RXYLT1: variants seen among roughly 807,000 people sequenced by gnomAD.
RXYLT1 encodes ribitol-5-phosphate xylosyltransferase 1.
RXYLT1 carries 41 observed loss-of-function variants against 43.5 expected under a neutral mutation model. The observed-to-expected ratio is 0.94, with a 90% CI of 0.73 to 1.22. RXYLT1 has a LOEUF of 1.22. RXYLT1 is among the 50% of genes most tolerant of loss of function. RXYLT1 has a pLI of 0.00. For synonymous variants in RXYLT1, 166 were observed against 194.4 expected (o/e 0.85, Z 1.21); for missense variants, 514 against 532.0 (o/e 0.97, Z 0.33).
At position 63,781,065 on chromosome 12, in the gene RXYLT1, T is replaced by A; in HGVS notation, c.216T>A (p.Asp72Glu). ...AAGAATGGAATCCTTGGGAAGGAGA[T>A]GAAAAAAATGAGCAACAACACAGAT... ...ESEEWNPWEG[D>E]EKNEQQHRFK... The change falls in exon 2 of 6, where the codon GAT becomes GAA. Residue 72 changes from aspartate to glutamate, a missense_variant. Asp to Glu is a conservative substitution (Grantham distance 45). Coordinates refer to ENST00000261234, the MANE Select transcript of RXYLT1 (RefSeq NM_014254.3). 6.2e-7 allele frequency: 1 copy of A among 1,607,866 alleles called. No individual in the cohort carries two copies. The highest frequency in any genetic ancestry group is 2.3e-5 in the East Asian group (1 of 44,410).
Position 63,793,890 on chromosome 12 carries a change from C to T in RXYLT1, c.429-8201C>T, listed in dbSNP as rs74099306. Among the ~76,000 whole-genome samples, 583 of 152,270 alleles carry T rather than the reference C, an allele frequency of 3.8e-3. 6 individuals carry two copies. Among genetic ancestry groups the T allele is most frequent in the African/African-American group, 0.014 (565 of 41,554 alleles). ...CTTACCTAAAAAGAACTTTGGGATA[C>T]ATAAAAATTAGAACATCAAGTAAAC... is the stretch of plus-strand genomic sequence containing the variant. On this transcript the variant is annotated intron_variant, in intron 3 of 5. Transcript: ENST00000261234.
chr12:63,808,827 TG>T lies in RXYLT1; in HGVS notation c.1068del (p.Met357Ter). Reference protein sequence around the residue: ...SYGSIPVVEDVMTAGNCGNTS... With the variant: ...SYGSIPVVEDXMTAGNCGNTS... ...GGCTCCATTCCTGTGGTGGAAGACG[TG>T]ATGACAGCTGGCAACTGTGGGAATA... On this transcript the variant is annotated frameshift_variant, in exon 6 of 6. Coordinates refer to ENST00000261234, the MANE Select transcript of RXYLT1 (RefSeq NM_014254.3). LOFTEE classifies it high-confidence loss of function. 1 of 1,614,102 alleles carries T rather than the reference TG, an allele frequency of 6.2e-7. No individual in the cohort carries two copies. The highest frequency in any genetic ancestry group is 1.7e-5 in the Admixed American group (1 of 59,996).
intron 2 of RXYLT1, among the ~76,000 whole-genome samples, chr12:63,783,998 C>A (rs994965959): frequency 6.6e-6 from 1 of 152,128 alleles, no homozygotes; most frequent in African/African-American, 2.4e-5. Flanking sequence ...TCTGACACTC[C>A]TGCCTCCCTT....
intron 3 of RXYLT1, 149 bp downstream of exon 3, chr12:63,785,221 A>G (rs1897774645): frequency 2.2e-6 from 1 of 461,514 alleles, no homozygotes; most frequent in Non-Finnish European, 3.7e-6. Context: ...AAATCTCATG[A>G]ATATGTATTC....
Position 63,780,002 on chromosome 12 carries a change from C to A in RXYLT1, c.42C>A (p.Ala14=). Residue 14 remains alanine (A), a synonymous_variant, in exon 1 of 6, where the codon GCC becomes GCA. Coordinates refer to ENST00000261234, the MANE Select transcript of RXYLT1 (RefSeq NM_014254.3). The part of the protein sequence containing the change: ...TRKRLCSFLI[A]LYCLFSLYAA... The stretch of plus-strand genomic sequence containing the variant: ...AGCGGCTCTGCTCGTTTCTTATCGC[C>A]CTGTACTGCCTATTCTCCCTCTACG... 1 of 1,611,392 alleles carries A rather than the reference C, an allele frequency of 6.2e-7. No individual in the cohort carries two copies. Among genetic ancestry groups the A allele is most frequent in the Non-Finnish European group, 8.5e-7 (1 of 1,179,042 alleles).
rs769219953 is a variant in RXYLT1 at position 63,802,070 on chromosome 12, T to C, written c.429-21T>C. The C allele has an allele frequency of 9.0e-6, 14 of 1,549,498 alleles. No individual in the cohort carries two copies. The African/African-American group carries it at 1.8e-4, about 20-fold the overall frequency. ...TTCAGGCTTTGTTTGTCTCTTGTTTTTGTTGTGTTGTTTTTAACAGCTTCA... is the reference window on the plus strand; with the variant it reads ...TTCAGGCTTTGTTTGTCTCTTGTTTCTGTTGTGTTGTTTTTAACAGCTTCA... On this transcript the variant is annotated intron_variant, in intron 3 of 5. Transcript: ENST00000261234.
At chr12:63,800,503 T>A (rs1898135033) in intron 3 of RXYLT1, among the ~76,000 whole-genome samples, 1 of 152,234 alleles carries the variant, frequency 6.6e-6, no homozygotes, top group Admixed American at 6.5e-5. Flanking sequence ...GTACTTGTTC[T>A]ATTTAATACA....
chr12:63,795,076 G>A (rs928554741), intron 3 of RXYLT1, among the ~76,000 whole-genome samples: 6 of 152,120 alleles, frequency 3.9e-5, no homozygotes, highest in South Asian at 2.1e-4. Flanking sequence ...CAGGCAGATC[G>A]TTTTGAGCTC....
intron 5 of RXYLT1, 88 bp from the exon 6 acceptor site, chr12:63,808,587 A>G (rs1898365315): frequency 6.9e-7 from 1 of 1,441,198 alleles, no homozygotes; most frequent in Non-Finnish European, 9.4e-7. Flanking sequence ...ATTTCCTGAA[A>G]CTGATTTTAT....
In RXYLT1 at chr12:63,808,794, G is replaced by C; in HGVS notation, c.1034G>C (p.Cys345Ser). Residue 345 changes from cysteine (C) to serine (S), a missense_variant, in exon 6 of 6, where the codon TGC (cysteine) becomes TCC (serine). Cys to Ser is a moderately radical substitution (Grantham distance 112). Coordinates refer to ENST00000261234, the MANE Select transcript of RXYLT1 (RefSeq NM_014254.3). Reference sequence around the variant, plus strand: ...GAATGCTATCGAATCTATGAGGCTTGCTCCTATGGCTCCATTCCTGTGGTG... The same window carrying C: ...GAATGCTATCGAATCTATGAGGCTTCCTCCTATGGCTCCATTCCTGTGGTG... ...NTECYRIYEA[C>S]SYGSIPVVED... The C allele has an allele frequency of 6.2e-7, 1 of 1,613,922 alleles. No homozygotes were observed. The highest frequency in any genetic ancestry group is 8.5e-7 in the Non-Finnish European group (1 of 1,180,002).
chr12:63,785,104 C>G, intron 3 of RXYLT1, 32 bp downstream of exon 3: 2 of 1,490,406 alleles, frequency 1.3e-6, no homozygotes, highest in South Asian at 2.6e-5. Flanking sequence ...CAACATTAAC[C>G]TTTGATGTTT....
chr12:63,795,787 T>C (rs1342435145), intron 3 of RXYLT1: 1 of 152,148 alleles, frequency 6.6e-6, no homozygotes, highest in Non-Finnish European at 1.5e-5. Context: ...AAACTGCTAA[T>C]ATTTAAATAT....
intron 3 of RXYLT1, among the ~76,000 whole-genome samples, chr12:63,786,790 T>A (rs757960314): frequency 6.6e-6 from 1 of 152,184 alleles, no homozygotes; most frequent in Non-Finnish European, 1.5e-5. Flanking sequence ...TTTGGTGGCA[T>A]TTTTACCCAT....
intron 1 of RXYLT1, among the ~76,000 whole-genome samples, chr12:63,780,791 A>G (rs1260855781): frequency 1.3e-5 from 2 of 152,228 alleles, no homozygotes; most frequent in African/African-American, 2.4e-5. Flanking sequence ...TCCTGTCTCA[A>G]GGTAGCATTT....
intron 1 of RXYLT1, chr12:63,780,428 G>C: frequency 4.9e-6 from 6 of 1,223,382 alleles, no homozygotes; most frequent in Non-Finnish European, 6.1e-6. Context: ...GAGATTTGCG[G>C]GAATGCTCCT....
At chr12:63,801,479 G>A (rs531558211) in intron 3 of RXYLT1, among the ~76,000 whole-genome samples, 2 of 152,074 alleles carry the variant, frequency 1.3e-5, no homozygotes, top group Admixed American at 6.6e-5. Context: ...CTTTGCTTAA[G>A]AGTTTAAATT....
intron 3 of RXYLT1, among the ~76,000 whole-genome samples, chr12:63,789,158 G>A (rs1213186281): frequency 6.6e-6 from 1 of 152,122 alleles, no homozygotes; most frequent in Non-Finnish European, 1.5e-5. Flanking sequence ...CACCTAGAGG[G>A]CATTCATTAT....
chr12:63,806,651 T>C lies in RXYLT1; in HGVS notation c.914+1247T>C, dbSNP rs535783302. ...GGAATAATTCTTGTAACTCCTCTCA[T>C]ACCATTGAGCCAGAGGTTTGAGTAG... On this transcript the variant is annotated intron_variant, in intron 5 of 5. Coordinates refer to ENST00000261234, the MANE Select transcript of RXYLT1 (RefSeq NM_014254.3). The C allele has an allele frequency of 3.9e-5, 6 of 152,376 alleles. 1 individual carries two copies. The highest frequency in any genetic ancestry group is 4.1e-4 in the South Asian group (2 of 4,824). 9.4% of individuals were successfully genotyped at this position (152,376 alleles called of 1,614,324 possible). A position where few individuals can be genotyped will look rare whatever the true frequency, so the allele number is the denominator to read the frequency against.
Position 63,802,351 on chromosome 12 carries a change from A to G in RXYLT1, c.689A>G (p.Asp230Gly). 1 of 1,608,806 alleles carries G rather than the reference A, an allele frequency of 6.2e-7. No homozygotes were observed. The highest frequency in any genetic ancestry group is 8.5e-7 in the Non-Finnish European group (1 of 1,176,092). The change falls in exon 4 of 6, where the codon GAC becomes GGC. Residue 230 changes from aspartate to glycine, a missense_variant. By Grantham distance (94) the Asp-to-Gly change is moderately conservative. Coordinates refer to ENST00000261234, the MANE Select transcript of RXYLT1 (RefSeq NM_014254.3). ...GTGGAGCTGCTTTTCATAATATATG[A>G]CAGCCCCTGGATTAATGACGTGGAT... ...GFVELLFIIY[D>G]SPWINDVDVF...
Sources: allele counts gnomAD v4.1 joint callset (sites outside exome capture counted in the v4.1 genomes callset), GRCh38; gene constraint gnomAD v4.1.1; transcripts MANE v1.5; gene names NCBI Gene and HGNC (gene_info 2026-07-23, HGNC 2026-07-21).